SUGCT: variants seen among roughly 807,000 people sequenced by gnomAD.
The protein encoded by SUGCT is succinyl-CoA:glutarate-CoA transferase, also known as succinyl-CoA:glutarate CoA-transferase.
A neutral mutation model predicts 55.0 loss-of-function variants in SUGCT; 41 were observed. That is an observed-to-expected ratio of 0.74 (90% CI 0.58 to 0.97). The LOEUF is 0.97. Among genes scored for constraint, SUGCT ranks in the 50% least tolerant of loss-of-function variants. The pLI, the probability that SUGCT is intolerant of heterozygous loss-of-function variation, is 0.00. For synonymous variants in SUGCT, 187 were observed against 200.4 expected (o/e 0.93, Z 0.56); for missense variants, 568 against 547.8 (o/e 1.04, Z -0.37).
At chr7:40,886,790 G>A in the SUGCT span, among the ~76,000 whole-genome samples, 6 of 152,254 alleles carry the variant, frequency 3.9e-5, no homozygotes, top group East Asian at 1.2e-3. Context: ...TATGCTTTAG[G>A]ATTATTTCTA....
At chr7:41,006,714 T>C in the SUGCT span, among the ~76,000 whole-genome samples, 1 of 152,354 alleles carries the variant, frequency 6.6e-6, no homozygotes, top group African/African-American at 2.4e-5. Context: ...CAGATATGAA[T>C]GAGCTTATAT....
chr7:40,587,690 T>A (rs1797466272), intron 12 of SUGCT, among the ~76,000 whole-genome samples: 1 of 152,192 alleles, frequency 6.6e-6, no homozygotes, highest in African/African-American at 2.4e-5. Context: ...TATCCCATTT[T>A]CCTTTTATTG....
chr7:40,288,906 T>C (rs1793530489), intron 8 of SUGCT, among the ~76,000 whole-genome samples: 3 of 152,318 alleles, frequency 2.0e-5, no homozygotes, highest in Middle Eastern at 3.4e-3. Flanking sequence ...GCAGTGGCTA[T>C]TGTAATGGCT....
intron 7 of SUGCT, among the ~76,000 whole-genome samples, chr7:40,248,495 T>C (rs1258633687): frequency 6.6e-6 from 1 of 152,192 alleles, no homozygotes; most frequent in East Asian, 1.9e-4. Flanking sequence ...TTTCCATTAT[T>C]TTACTAATAC....
the SUGCT span, among the ~76,000 whole-genome samples, chr7:40,946,015 G>A: frequency 1.3e-5 from 2 of 152,084 alleles, no homozygotes; most frequent in African/African-American, 4.8e-5. Context: ...TTTTTCAAAT[G>A]CCAGCTGTAG....
At chr7:40,727,170 C>G (rs1483515170) in intron 12 of SUGCT, among the ~76,000 whole-genome samples, 2 of 151,966 alleles carry the variant, frequency 1.3e-5, no homozygotes, top group Non-Finnish European at 2.9e-5. Context: ...CCTTTTTTTG[C>G]CTTTCACGGT....
chr7:40,301,760 A>G (rs1284448377), intron 8 of SUGCT, among the ~76,000 whole-genome samples: 1 of 152,120 alleles, frequency 6.6e-6, no homozygotes, highest in Non-Finnish European at 1.5e-5. Flanking sequence ...ACATTCTGGG[A>G]TTTTGGTTGA....
intron 6 of SUGCT, among the ~76,000 whole-genome samples, chr7:40,228,890 A>G (rs757446799): frequency 6.6e-6 from 1 of 151,992 alleles, no homozygotes; most frequent in Non-Finnish European, 1.5e-5. Context: ...AATATTGAGC[A>G]TATTTGATGT....
chr7:40,844,357 G>A (rs1440491052), intron 13 of SUGCT, among the ~76,000 whole-genome samples: 1 of 152,092 alleles, frequency 6.6e-6, no homozygotes, highest in African/African-American at 2.4e-5. Flanking sequence ...GCTGGTGTAT[G>A]CAGAGGATTT....
At chr7:40,779,272 A>G (rs577222531) in intron 13 of SUGCT, among the ~76,000 whole-genome samples, 11 of 152,318 alleles carry the variant, frequency 7.2e-5, no homozygotes, top group African/African-American at 2.6e-4. Flanking sequence ...AGCAGAGCTG[A>G]TATCTTTCCT....
chr7:40,962,707 G>T, the SUGCT span, among the ~76,000 whole-genome samples: 5 of 152,030 alleles, frequency 3.3e-5, no homozygotes, highest in East Asian at 1.9e-4. Context: ...AAAAGAGTGT[G>T]CAATACAATG....
chr7:40,898,155 G>A, the SUGCT span, among the ~76,000 whole-genome samples: 4 of 149,740 alleles, frequency 2.7e-5, no homozygotes, highest in South Asian at 2.1e-4. Context: ...CTCACCAGTA[G>A]TGATGAACTT....
At chr7:40,638,877 G>A (rs1424022756) in intron 12 of SUGCT, among the ~76,000 whole-genome samples, 2 of 152,142 alleles carry the variant, frequency 1.3e-5, no homozygotes, top group Non-Finnish European at 2.9e-5. Flanking sequence ...GCATTAGAAA[G>A]GCTTGAAATC....
the SUGCT span, among the ~76,000 whole-genome samples, chr7:41,004,127 A>G: frequency 3.3e-5 from 5 of 152,122 alleles, no homozygotes; most frequent in African/African-American, 1.2e-4. Flanking sequence ...CTCCCCAAAC[A>G]CAGATTCCCA....
the SUGCT span, among the ~76,000 whole-genome samples, chr7:40,931,400 C>G: frequency 3.3e-5 from 5 of 152,142 alleles, no homozygotes; most frequent in African/African-American, 1.2e-4. Context: ...TGTTGTATCT[C>G]TGCCCGGCTT....
the SUGCT span, among the ~76,000 whole-genome samples, chr7:40,963,089 A>T: frequency 6.6e-6 from 1 of 152,156 alleles, no homozygotes; most frequent in Non-Finnish European, 1.5e-5. Flanking sequence ...GTACTTTCAC[A>T]TGTTGTCTCT....
At chr7:40,346,702 G>C (rs1015777894) in intron 9 of SUGCT, among the ~76,000 whole-genome samples, 1 of 152,102 alleles carries the variant, frequency 6.6e-6, no homozygotes, top group Non-Finnish European at 1.5e-5. Context: ...CCTGTATTTG[G>C]AGATGGGTTT....
intron 13 of SUGCT, among the ~76,000 whole-genome samples, chr7:40,855,587 T>A (rs17621508): frequency 0.098 from 14,973 of 152,228 alleles, 825 homozygotes; most frequent in Middle Eastern, 0.18. Flanking sequence ...TTTTATTTGG[T>A]TCTCATATTT....
intron 3 of SUGCT, among the ~76,000 whole-genome samples, chr7:40,185,497 C>G (rs1004313057): frequency 6.6e-6 from 1 of 152,008 alleles, no homozygotes; most frequent in East Asian, 1.9e-4. Context: ...CACTTGGTAT[C>G]GGGCTTTGTT....
Sources: gnomAD v4.1 joint callset for allele counts (sites outside exome capture counted in the v4.1 genomes callset) on GRCh38, gnomAD v4.1.1 for gene constraint, MANE v1.5 for transcripts, NCBI Gene and HGNC (gene_info 2026-07-23, HGNC 2026-07-21) for gene names.